RBFOX1: variants seen among roughly 807,000 people sequenced by gnomAD.
The protein encoded by RBFOX1 is RNA binding fox-1 homolog 1.
A neutral mutation model predicts 57.7 loss-of-function variants in RBFOX1; 8 were observed. The ratio of observed to expected loss-of-function variants is 0.14; its 90% CI spans 0.08 to 0.25. The LOEUF (loss-of-function observed/expected upper bound fraction) is 0.25, where lower values mean the gene tolerates loss of function less well. Among genes scored for constraint, RBFOX1 ranks in the 10% least tolerant of loss-of-function variants. RBFOX1 has a pLI of 1.00. For synonymous variants in RBFOX1, 326 were observed against 222.4 expected (o/e 1.47, Z -4.15); for missense variants, 611 against 548.5 (o/e 1.11, Z -1.14).
chr16:5,851,223 G>C (rs115863438), intron 3 of RBFOX1, among the ~76,000 whole-genome samples: 1,944 of 152,292 alleles, frequency 0.013, 47 homozygotes, highest in African/African-American at 0.044. Flanking sequence ...ATTCCACACA[G>C]AGCAGGAAGG....
At chr16:6,147,511 A>G (rs1031375737) in intron 1 of RBFOX1, among the ~76,000 whole-genome samples, 1 of 152,206 alleles carries the variant, frequency 6.6e-6, no homozygotes, top group Non-Finnish European at 1.5e-5. Context: ...ACCTCTACAC[A>G]TATGTACCCA....
intron 4 of RBFOX1, among the ~76,000 whole-genome samples, chr16:7,387,552 T>C (rs186745032): frequency 8.2e-4 from 125 of 152,348 alleles, no homozygotes; most frequent in Middle Eastern, 3.4e-3. Context: ...AGTGGCACAT[T>C]GATCTCAAAC....
intron 4 of RBFOX1, among the ~76,000 whole-genome samples, chr16:7,299,680 A>T (rs2095984223): frequency 6.6e-6 from 1 of 152,088 alleles, no homozygotes. Flanking sequence ...GCTTCTGCAA[A>T]ATACAGCTCA....
intron 2 of RBFOX1, among the ~76,000 whole-genome samples, chr16:6,613,234 C>G (rs1449069780): frequency 6.6e-6 from 1 of 152,048 alleles, no homozygotes; most frequent in African/African-American, 2.4e-5. Context: ...ACTTCCCTTC[C>G]CTGTCATATG....
intron 2 of RBFOX1, among the ~76,000 whole-genome samples, chr16:6,495,462 T>G (rs375906555): frequency 6.6e-6 from 1 of 152,090 alleles, no homozygotes; most frequent in African/African-American, 2.4e-5. Flanking sequence ...GTCCCCACTT[T>G]CGTAGATCGG....
intron 3 of RBFOX1, among the ~76,000 whole-genome samples, chr16:5,654,511 C>G (rs748734923): frequency 2.0e-5 from 3 of 152,140 alleles, no homozygotes; most frequent in African/African-American, 7.2e-5. Flanking sequence ...GTTTTCTTCT[C>G]TCATTCAGAA....
chr16:6,845,440 C>G (rs535029799), intron 3 of RBFOX1, among the ~76,000 whole-genome samples: 1 of 152,204 alleles, frequency 6.6e-6, no homozygotes, highest in South Asian at 2.1e-4. Context: ...ATAGAGAATC[C>G]TTTCCCCATT....
chr16:7,201,358 C>A (rs1174053715), intron 4 of RBFOX1, among the ~76,000 whole-genome samples: 3 of 152,022 alleles, frequency 2.0e-5, no homozygotes, highest in Non-Finnish European at 4.4e-5. Flanking sequence ...CCTGTGTCTC[C>A]TATTGTGGGC....
In RBFOX1 at chr16:6,262,432, C is replaced by T. The variant is rs139477701; in HGVS notation, c.-126-54563C>T. On this transcript the variant is annotated intron_variant, in intron 1 of 15. Transcript: ENST00000550418. Reference sequence around the variant, plus strand: ...TGTGCCCTGCTGAAGAATTGAGTCTCTTCTTAAGAAAAAAAGGAGAGATGG... The same window carrying T: ...TGTGCCCTGCTGAAGAATTGAGTCTTTTCTTAAGAAAAAAAGGAGAGATGG... Among the ~76,000 whole-genome samples the T allele has an allele frequency of 1.4e-3, 207 of 152,092 alleles. 3 individuals carry two copies. Among genetic ancestry groups the T allele is most frequent in the African/African-American group, 4.8e-3 (201 of 41,490 alleles).
intron 2 of RBFOX1, among the ~76,000 whole-genome samples, chr16:5,576,618 C>T (rs375079989): frequency 3.9e-5 from 6 of 152,316 alleles, no homozygotes; most frequent in Admixed American, 6.5e-5. Flanking sequence ...GGAGAAGTGC[C>T]AAAGTCCATT....
At chr16:5,709,987 T>TAAC (rs1436944751) in intron 3 of RBFOX1, among the ~76,000 whole-genome samples, 3 of 150,168 alleles carry the variant, frequency 2.0e-5, no homozygotes, top group African/African-American at 7.4e-5. Context: ...GTTGGGTCTC[T>TAAC]AACTCAGGCG....
chr16:6,813,319 G>C (rs1450822823), intron 3 of RBFOX1, among the ~76,000 whole-genome samples: 3 of 152,118 alleles, frequency 2.0e-5, no homozygotes, highest in Admixed American at 2.0e-4. Context: ...TTCGTTTCTA[G>C]CCTCCAGTTG....
At chr16:6,072,166 C>T (rs186929440) in intron 1 of RBFOX1, among the ~76,000 whole-genome samples, 4 of 152,164 alleles carry the variant, frequency 2.6e-5, no homozygotes, top group Admixed American at 6.5e-5. Flanking sequence ...GGGAACTGCC[C>T]TTTATAACAT....
At chr16:5,911,601 C>G (rs1387863733) in intron 4 of RBFOX1, among the ~76,000 whole-genome samples, 4 of 152,168 alleles carry the variant, frequency 2.6e-5, no homozygotes, top group Non-Finnish European at 4.4e-5. Context: ...GGTGCGGAGG[C>G]ATTGTTTTAC....
intron 3 of RBFOX1, among the ~76,000 whole-genome samples, chr16:5,690,743 G>A (rs774634079): frequency 3.9e-5 from 6 of 152,134 alleles, no homozygotes; most frequent in Admixed American, 1.3e-4. Flanking sequence ...TGAGGGGCGC[G>A]TATGTCTTTC....
intron 3 of RBFOX1, among the ~76,000 whole-genome samples, chr16:5,864,283 T>C (rs1258303424): frequency 6.6e-6 from 1 of 152,230 alleles, no homozygotes; most frequent in Non-Finnish European, 1.5e-5. Flanking sequence ...AACGCTAAAG[T>C]GGTACGAAGC....
Position 6,278,855 on chromosome 16 carries a change from C to T in RBFOX1, c.-126-38140C>T, listed in dbSNP as rs112229125. ...GTAAGGTTCATAAAAGCCCAATAAG[C>T]TATTCTTGATCTTAAATCTTAAATC... On this transcript the variant is annotated intron_variant, in intron 1 of 15. Transcript: ENST00000550418. 8.8e-3 allele frequency among the ~76,000 whole-genome samples: 1,337 copies of T among 152,146 alleles called. 21 individuals are homozygous for T. Among genetic ancestry groups the T allele is most frequent in the African/African-American group, 0.029 (1,217 of 41,510 alleles).
chr16:7,225,905 A>AATATATATATATATATAT (rs1555600461), intron 4 of RBFOX1, among the ~76,000 whole-genome samples: 31 of 93,724 alleles, frequency 3.3e-4, no homozygotes, highest in South Asian at 2.3e-3. Flanking sequence ...AAGTATAATA[A>AATATATATATATATATAT]ATATATATAT....
At chr16:7,197,100 A>G (rs563154727) in intron 4 of RBFOX1, among the ~76,000 whole-genome samples, 2 of 152,240 alleles carry the variant, frequency 1.3e-5, no homozygotes, top group South Asian at 2.1e-4. Flanking sequence ...CTCCTGTTCC[A>G]TCTCTCCCAG....
Sources: allele counts gnomAD v4.1 joint callset (sites outside exome capture counted in the v4.1 genomes callset), GRCh38; gene constraint gnomAD v4.1.1; transcripts MANE v1.5; gene names NCBI Gene and HGNC (gene_info 2026-07-23, HGNC 2026-07-21).